COL5A2: variants seen among roughly 807,000 people sequenced by gnomAD.
COL5A2 encodes collagen type V alpha 2 chain.
A neutral mutation model predicts 208.2 loss-of-function variants in COL5A2; 23 were observed. That is an observed-to-expected ratio of 0.11 (90% CI 0.08 to 0.16). The LOEUF (loss-of-function observed/expected upper bound fraction) is 0.16, where lower values mean the gene tolerates loss of function less well. Ranked by LOEUF, COL5A2 falls within the 10% of genes least tolerant of loss-of-function variation. COL5A2 has a pLI of 1.00. For missense variants in COL5A2, 1,590 were observed against 1,956.4 expected (o/e 0.81, Z 3.53); for synonymous variants, 625 against 628.5 (o/e 0.99, Z 0.08).
chr2:189,178,432 T>C (rs1017864611), intron 1 of COL5A2, among the ~76,000 whole-genome samples: 7 of 151,998 alleles, frequency 4.6e-5, no homozygotes, highest in Non-Finnish European at 8.8e-5. Context: ...ATGAAAGTAA[T>C]AGAAAAGGTT....
At chr2:189,338,501 C>T in the COL5A2 span, among the ~76,000 whole-genome samples, 265 of 152,154 alleles carry the variant, frequency 1.7e-3, 1 homozygote, top group Non-Finnish European at 3.1e-3. Flanking sequence ...GCCTCTTCTC[C>T]GTTCCTAGCC....
the COL5A2 span, among the ~76,000 whole-genome samples, chr2:189,422,522 T>C: frequency 6.6e-6 from 1 of 152,168 alleles, no homozygotes; most frequent in African/African-American, 2.4e-5. Context: ...TCAGAAAGCA[T>C]AGTATTTAAA....
chr2:189,385,941 C>T, the COL5A2 span, among the ~76,000 whole-genome samples: 11 of 152,304 alleles, frequency 7.2e-5, no homozygotes, highest in African/African-American at 2.6e-4. Context: ...CACAGTTCCA[C>T]ATGGCTGGGG....
At chr2:189,345,445 G>T in the COL5A2 span, among the ~76,000 whole-genome samples, 1 of 152,176 alleles carries the variant, frequency 6.6e-6, no homozygotes, top group African/African-American at 2.4e-5. Flanking sequence ...AGGATCATGT[G>T]GGGGAGAAAA....
chr2:189,241,523 C>T, the COL5A2 span, among the ~76,000 whole-genome samples: 6 of 152,082 alleles, frequency 3.9e-5, no homozygotes, highest in East Asian at 1.2e-3. Context: ...GAGACCCCAT[C>T]TCTACAAAAT....
At chr2:189,226,343 A>C (rs1689418287), upstream of COL5A2, among the ~76,000 whole-genome samples, 1 of 152,142 alleles carries the variant, frequency 6.6e-6, no homozygotes, top group Admixed American at 6.6e-5. Flanking sequence ...AAAACATCAA[A>C]TCAATAACAA....
chr2:189,104,659 G>A (rs1453787149), intron 2 of COL5A2, among the ~76,000 whole-genome samples: 1 of 151,716 alleles, frequency 6.6e-6, no homozygotes. Context: ...TGTATTAAAA[G>A]TATACAATTA....
chr2:189,269,546 A>T, the COL5A2 span, among the ~76,000 whole-genome samples: 1 of 152,016 alleles, frequency 6.6e-6, no homozygotes, highest in African/African-American at 2.4e-5. Context: ...ATGTTTATTG[A>T]TTAGTGTATG....
intron 1 of COL5A2, among the ~76,000 whole-genome samples, chr2:189,189,354 A>G (rs190256401): frequency 2.0e-5 from 3 of 152,318 alleles, no homozygotes; most frequent in Admixed American, 6.5e-5. Flanking sequence ...AATTCTTTAT[A>G]GTATGTAAGT....
chr2:189,078,084 C>A (rs1365169018), intron 16 of COL5A2, among the ~76,000 whole-genome samples: 2 of 152,104 alleles, frequency 1.3e-5, no homozygotes, highest in East Asian at 3.9e-4. Flanking sequence ...TCAAAGAGTG[C>A]ACTCAGAGTA....
chr2:189,168,082 C>G (rs945650106), intron 1 of COL5A2, among the ~76,000 whole-genome samples: 6 of 151,862 alleles, frequency 4.0e-5, no homozygotes, highest in African/African-American at 1.5e-4. Context: ...GGACTACAGG[C>G]GCCCACCACC....
chr2:189,035,243 TCAG>T, intron 52 of COL5A2, 88 bp from the exon 53 acceptor site: 4 of 1,521,622 alleles, frequency 2.6e-6, no homozygotes, highest in Non-Finnish European at 2.7e-6. Context: ...TAAATTGATT[TCAG>T]ATAAATCAAT....
At chr2:189,233,377 A>G in the COL5A2 span, among the ~76,000 whole-genome samples, 1 of 151,798 alleles carries the variant, frequency 6.6e-6, no homozygotes, top group East Asian at 1.9e-4. Flanking sequence ...AATTAAAAAT[A>G]AGACATTAAC....
chr2:189,331,952 A>AT, the COL5A2 span, among the ~76,000 whole-genome samples: 1 of 151,458 alleles, frequency 6.6e-6, no homozygotes, highest in Non-Finnish European at 1.5e-5. Context: ...TCCGTCTCAA[A>AT]AAAAAAAAAA....
At chr2:189,098,693 A>T in intron 5 of COL5A2, 34 bp downstream of exon 5, 2 of 1,543,540 alleles carry the variant, frequency 1.3e-6, no homozygotes, top group Non-Finnish European at 1.8e-6. Flanking sequence ...CAAGGAATAC[A>T]AGAGTACCAA....
chr2:189,108,976 T>G (rs1322922440), intron 2 of COL5A2, among the ~76,000 whole-genome samples: 1 of 151,690 alleles, frequency 6.6e-6, no homozygotes. Flanking sequence ...TAAGTTTTTT[T>G]TTTTTTTTGG....
chr2:189,428,756 AT>A, the COL5A2 span, among the ~76,000 whole-genome samples: 1 of 152,252 alleles, frequency 6.6e-6, no homozygotes, highest in Non-Finnish European at 1.5e-5. Flanking sequence ...ATATGCCAGA[AT>A]TATGCTTCCT....
At chr2:189,070,889 TCA>T (rs1686259141) in intron 18 of COL5A2, among the ~76,000 whole-genome samples, 1 of 152,144 alleles carries the variant, frequency 6.6e-6, no homozygotes, top group Non-Finnish European at 1.5e-5. Context: ...CATTGAGTTC[TCA>T]GTGAATGCAG....
In COL5A2 at chr2:189,061,628, G is replaced by T. The variant is rs762402622; in HGVS notation, c.1978-13C>A. On this transcript the variant is annotated splice_polypyrimidine_tract_variant and intron_variant, in intron 29 of 53. Transcript: ENST00000374866. Reference sequence around the variant, plus strand: ...CACCAGCTAGACCCTAAGTTGTGAAGGAGAAAATAATTGTGAATATAACCA... The same window carrying T: ...CACCAGCTAGACCCTAAGTTGTGAATGAGAAAATAATTGTGAATATAACCA... 29 of 1,606,132 alleles carry T rather than the reference G, an allele frequency of 1.8e-5. No homozygotes were observed. In the South Asian group the frequency reaches 2.3e-4, roughly 13 times the overall value.
Sources: gnomAD v4.1 joint callset for allele counts (sites outside exome capture counted in the v4.1 genomes callset) on GRCh38, gnomAD v4.1.1 for gene constraint, MANE v1.5 for transcripts, NCBI Gene and HGNC (gene_info 2026-07-23, HGNC 2026-07-21) for gene names.